EYA4: variants seen among roughly 807,000 people sequenced by gnomAD.
EYA4 encodes the protein protein phosphatase EYA4.
A neutral mutation model predicts 87.9 loss-of-function variants in EYA4; 31 were observed. The observed-to-expected ratio is 0.35, with a 90% CI of 0.27 to 0.48. The LOEUF is 0.48. EYA4 is among the 20% of genes least tolerant of loss of function. The pLI is 0.99. For synonymous variants in EYA4, 263 were observed against 270.6 expected (o/e 0.97, Z 0.28); for missense variants, 678 against 761.4 (o/e 0.89, Z 1.29).
At chr6:133,319,584 C>G (rs1391145386) in intron 2 of EYA4, among the ~76,000 whole-genome samples, 1 of 149,806 alleles carries the variant, frequency 6.7e-6, no homozygotes, top group East Asian at 2.0e-4. Context: ...TATCAGCTTT[C>G]TTTTGGCTAG....
chr6:133,445,372 C>T (rs1160383887), intron 3 of EYA4, among the ~76,000 whole-genome samples: 2 of 151,882 alleles, frequency 1.3e-5, no homozygotes, highest in Admixed American at 1.3e-4. Context: ...TTATGTTATT[C>T]TTAATTCTTT....
chr6:133,468,818 G>A lies in EYA4; in HGVS notation c.970+87G>A, dbSNP rs750186959. 6.1e-5 allele frequency: 81 copies of A among 1,328,108 alleles called. 1 individual carries two copies. Among genetic ancestry groups the A allele is most frequent in the South Asian group, 2.4e-4 (20 of 84,952 alleles). 82.3% of individuals were successfully genotyped at this position (1,328,108 alleles called of 1,614,324 possible). A position where few individuals can be genotyped will look rare whatever the true frequency, so the allele number is the denominator to read the frequency against. ...AAAGTGGACATTCCAAAAACATGGC[G>A]GAAAGCTCCCAGATAATTGTGCTGA... On this transcript the variant is annotated intron_variant, in intron 11 of 19. Transcript: ENST00000355286.
chr6:133,243,089 C>CGTGTGTGTGTGTGTGTGTGTGTGTGT (rs3065226), intron 1 of EYA4, among the ~76,000 whole-genome samples: 1 of 145,468 alleles, frequency 6.9e-6, no homozygotes, highest in African/African-American at 2.6e-5. Context: ...GGAGCAACTT[C>CGTGTGTGTGTGTGTGTGTGTGTGTGT]GTGTGTGTGT....
At chr6:133,303,824 A>T (rs1473474376) in intron 2 of EYA4, among the ~76,000 whole-genome samples, 3 of 152,100 alleles carry the variant, frequency 2.0e-5, no homozygotes, top group African/African-American at 7.2e-5. Context: ...GTGGTATCTC[A>T]TGTGCCATGG....
rs533488223 is a variant in EYA4 at position 133,438,098 on chromosome 6, C to T, written c.84-8532C>T. On this transcript the variant is annotated intron_variant, in intron 3 of 19. Coordinates refer to ENST00000355286, the MANE Select transcript of EYA4 (RefSeq NM_004100.5). ...TGTCACAATTAAATTAATCACAAAACATATAAAAGGAAATACAGGAATATT... is the reference window on the plus strand; with the variant it reads ...TGTCACAATTAAATTAATCACAAAATATATAAAAGGAAATACAGGAATATT... Among the ~76,000 whole-genome samples, 6 of 152,108 alleles carry T rather than the reference C, an allele frequency of 3.9e-5. No homozygotes were observed. The South Asian group carries it at 1.2e-3, about 32-fold the overall frequency.
chr6:133,346,728 G>C (rs975049352), intron 2 of EYA4, among the ~76,000 whole-genome samples: 2 of 151,420 alleles, frequency 1.3e-5, no homozygotes, highest in African/African-American at 4.8e-5. Context: ...GCAATAATTT[G>C]CCCCAGGTGG....
chr6:133,404,990 T>C (rs1217309927), intron 3 of EYA4, among the ~76,000 whole-genome samples: 1 of 152,202 alleles, frequency 6.6e-6, no homozygotes, highest in Non-Finnish European at 1.5e-5. Flanking sequence ...CATGCTATTC[T>C]CTGCTTGAAC....
intron 3 of EYA4, among the ~76,000 whole-genome samples, chr6:133,438,903 G>A (rs967745312): frequency 3.3e-5 from 5 of 151,740 alleles, no homozygotes; most frequent in African/African-American, 7.3e-5. Flanking sequence ...TTAGCCGGGC[G>A]TGGTGGCAGC....
intron 1 of EYA4, among the ~76,000 whole-genome samples, chr6:133,254,607 C>T (rs983687302): frequency 6.6e-6 from 1 of 151,894 alleles, no homozygotes; most frequent in Non-Finnish European, 1.5e-5. Context: ...TTATTGTTTC[C>T]AATAGTTTCA....
intron 2 of EYA4, among the ~76,000 whole-genome samples, chr6:133,294,724 T>G (rs548614988): frequency 6.6e-6 from 1 of 152,040 alleles, no homozygotes; most frequent in Non-Finnish European, 1.5e-5. Context: ...TGAACCACCA[T>G]GCGTGGCTAA....
rs1800999934 is a variant in EYA4 at position 133,531,330 on chromosome 6, A to G, written c.*2525A>G. 1 of 784,316 alleles carries G rather than the reference A, an allele frequency of 1.3e-6. No homozygotes were observed. Among genetic ancestry groups the G allele is most frequent in the African/African-American group, 1.7e-5 (1 of 58,022 alleles). 48.6% of individuals were successfully genotyped at this position (784,316 alleles called of 1,614,324 possible). ...GGCCATGGGACGTTGAGTATGCACAAACTAGAACTCTTCCCTTCCCACCTT... is the reference window on the plus strand; with the variant it reads ...GGCCATGGGACGTTGAGTATGCACAGACTAGAACTCTTCCCTTCCCACCTT... On this transcript the variant is annotated 3_prime_UTR_variant, in exon 20 of 20. Transcript: ENST00000355286.
rs1796581801 is a variant in EYA4, at chr6:133,485,174, G to C, written c.1191+2059G>C. ...AAATAAACCTGTCAGCTCCCAGGATGTCGACAGGACATGCAGCACTCATTT... is the reference window on the plus strand; with the variant it reads ...AAATAAACCTGTCAGCTCCCAGGATCTCGACAGGACATGCAGCACTCATTT... On this transcript the variant is annotated intron_variant, in intron 13 of 19. Transcript: ENST00000355286. Among the ~76,000 whole-genome samples the C allele has an allele frequency of 2.6e-5, 4 of 152,208 alleles. No individual in the cohort carries two copies. In the South Asian group the frequency reaches 8.3e-4, roughly 32 times the overall value.
At chr6:133,300,810 T>C (rs1779345484) in intron 2 of EYA4, among the ~76,000 whole-genome samples, 1 of 152,204 alleles carries the variant, frequency 6.6e-6, no homozygotes, top group African/African-American at 2.4e-5. Context: ...CTTTAATTGA[T>C]GATAGTGTCA....
chr6:133,509,513 TA>T (rs1798954693), intron 14 of EYA4, among the ~76,000 whole-genome samples: 1 of 152,140 alleles, frequency 6.6e-6, no homozygotes, highest in South Asian at 2.1e-4. Context: ...GATACAAATT[TA>T]AATCCTCCTA....
intron 2 of EYA4, among the ~76,000 whole-genome samples, chr6:133,276,025 A>G (rs1393071295): frequency 6.6e-6 from 1 of 152,216 alleles, no homozygotes; most frequent in Non-Finnish European, 1.5e-5. Flanking sequence ...TTGACTGTAA[A>G]TATTCACAGC....
At chr6:133,328,512 A>G (rs186696635) in intron 2 of EYA4, among the ~76,000 whole-genome samples, 4 of 152,176 alleles carry the variant, frequency 2.6e-5, no homozygotes, top group Admixed American at 2.6e-4. Flanking sequence ...TTTTCTAAAG[A>G]GAAAAATACT....
intron 3 of EYA4, among the ~76,000 whole-genome samples, chr6:133,437,659 G>C (rs1791820550): frequency 6.6e-6 from 1 of 152,184 alleles, no homozygotes; most frequent in Non-Finnish European, 1.5e-5. Flanking sequence ...GTTCCGCATG[G>C]CTGGGGAGGC....
intron 3 of EYA4, among the ~76,000 whole-genome samples, chr6:133,409,986 G>A (rs1017460915): frequency 1.3e-5 from 2 of 152,054 alleles, no homozygotes; most frequent in East Asian, 1.9e-4. Flanking sequence ...CTTCTTCAGA[G>A]TCATTTAAGT....
chr6:133,352,847 C>T (rs556024950), intron 2 of EYA4, among the ~76,000 whole-genome samples: 6 of 152,080 alleles, frequency 3.9e-5, no homozygotes, highest in East Asian at 3.8e-4. Context: ...GAAAATCAGT[C>T]GCCTGTAGCA....
Sources: allele counts gnomAD v4.1 joint callset (sites outside exome capture counted in the v4.1 genomes callset), GRCh38; gene constraint gnomAD v4.1.1; transcripts MANE v1.5; gene names NCBI Gene and HGNC (gene_info 2026-07-23, HGNC 2026-07-21).